Variants in PDE1C observed in about 807,000 individuals in gnomAD.
The protein encoded by PDE1C is phosphodiesterase 1C, also known as dual specificity calcium/calmodulin-dependent 3',5'-cyclic nucleotide phosphodiesterase 1C.
Under a neutral mutation model 93.1 loss-of-function variants are expected in PDE1C, and 62 were observed. The ratio of observed to expected loss-of-function variants is 0.67; its 90% confidence interval spans 0.54 to 0.82. The LOEUF is 0.82. Among genes scored for constraint, PDE1C ranks in the 40% least tolerant of loss-of-function variants. PDE1C has a pLI of 0.00. For synonymous variants in PDE1C, 325 were observed against 310.1 expected (o/e 1.05, Z -0.50); for missense variants, 742 against 884.6 (o/e 0.84, Z 2.04).
chr7:32,410,656 G>A (rs10249890), intron 1 of PDE1C, among the ~76,000 whole-genome samples: 22,323 of 152,040 alleles, frequency 0.15, 3,186 homozygotes, highest in African/African-American at 0.37. Context: ...GCCAATGGGA[G>A]GCACTGGTAG....
intron 1 of PDE1C, among the ~76,000 whole-genome samples, chr7:32,410,768 G>A (rs1785153618): frequency 6.6e-6 from 1 of 151,990 alleles, no homozygotes; most frequent in African/African-American, 2.4e-5. Flanking sequence ...GCCTCTGCTG[G>A]GCACCTCCTT....
chr7:32,334,260 T>C (rs1464503561), intron 1 of PDE1C, among the ~76,000 whole-genome samples: 1 of 152,210 alleles, frequency 6.6e-6, no homozygotes, highest in Non-Finnish European at 1.5e-5. Flanking sequence ...ATTTTTTGGA[T>C]CTTTTTAATT....
At chr7:31,976,060 T>C (rs1193438132) in intron 2 of PDE1C, among the ~76,000 whole-genome samples, 2 of 152,242 alleles carry the variant, frequency 1.3e-5, no homozygotes, top group Admixed American at 1.3e-4. Flanking sequence ...TAAACTCTGC[T>C]TAGAACACTG....
At chr7:31,792,618 G>A (rs1230611743) in intron 16 of PDE1C, among the ~76,000 whole-genome samples, 2 of 152,114 alleles carry the variant, frequency 1.3e-5, no homozygotes, top group Non-Finnish European at 2.9e-5. Context: ...AGGAGCACCT[G>A]CTATCCAGGC....
At chr7:32,275,695 T>A (rs1811237536) in intron 1 of PDE1C, among the ~76,000 whole-genome samples, 1 of 151,668 alleles carries the variant, frequency 6.6e-6, no homozygotes, top group Non-Finnish European at 1.5e-5. Flanking sequence ...AGGTTGCACC[T>A]GCAAACAGGT....
At chr7:31,644,866 G>A in the PDE1C span, among the ~76,000 whole-genome samples, 1 of 152,176 alleles carries the variant, frequency 6.6e-6, no homozygotes, top group Non-Finnish European at 1.5e-5. Flanking sequence ...GGGGTGAAGT[G>A]GAACCACGAT....
chr7:32,058,547 C>G (rs1297305359), intron 1 of PDE1C, among the ~76,000 whole-genome samples: 2 of 152,130 alleles, frequency 1.3e-5, no homozygotes, highest in East Asian at 3.9e-4. Flanking sequence ...AATTGGATAT[C>G]TCTAGAAACT....
intron 2 of PDE1C, among the ~76,000 whole-genome samples, chr7:31,984,114 T>C (rs1348209263): frequency 2.0e-5 from 3 of 151,754 alleles, no homozygotes; most frequent in Non-Finnish European, 4.4e-5. Flanking sequence ...AGATCAGGGG[T>C]CCGCAAACCC....
At chr7:32,117,950 G>A (rs1799076156) in intron 3 of PDE1C, among the ~76,000 whole-genome samples, 1 of 152,186 alleles carries the variant, frequency 6.6e-6, no homozygotes, top group African/African-American at 2.4e-5. Context: ...CTTGAGGGCT[G>A]GTTTCTGTTA....
intron 1 of PDE1C, among the ~76,000 whole-genome samples, chr7:32,233,091 G>A (rs1221429112): frequency 2.6e-5 from 4 of 151,992 alleles, no homozygotes; most frequent in African/African-American, 9.7e-5. Context: ...ACAGTTGCTA[G>A]AATTATATGA....
chr7:31,741,633 G>C, the PDE1C span, among the ~76,000 whole-genome samples: 3 of 152,068 alleles, frequency 2.0e-5, no homozygotes, highest in Non-Finnish European at 4.4e-5. Context: ...CTGGTGACTG[G>C]GTTTTATTCC....
At chr7:31,719,926 G>A in the PDE1C span, among the ~76,000 whole-genome samples, 2 of 151,034 alleles carry the variant, frequency 1.3e-5, no homozygotes, top group African/African-American at 4.9e-5. Context: ...ATGTGGGGAG[G>A]CCGAGGCGGG....
intron 3 of PDE1C, among the ~76,000 whole-genome samples, chr7:32,082,718 C>T (rs1796777536): frequency 6.6e-6 from 1 of 152,204 alleles, no homozygotes; most frequent in Non-Finnish European, 1.5e-5. Flanking sequence ...TCTGCAGCCA[C>T]CGCTACTGAT....
intron 2 of PDE1C, among the ~76,000 whole-genome samples, chr7:32,005,712 C>A (rs1455867150): frequency 4.6e-5 from 7 of 151,942 alleles, no homozygotes; most frequent in Non-Finnish European, 8.8e-5. Context: ...GAACCACACC[C>A]AAATGGCTGG....
intron 2 of PDE1C, among the ~76,000 whole-genome samples, chr7:32,188,824 T>C (rs904197762): frequency 7.2e-5 from 11 of 152,182 alleles, no homozygotes; most frequent in African/African-American, 2.7e-4. Flanking sequence ...AAAGAGCTTG[T>C]TAATTTTCAC....
intron 3 of PDE1C, among the ~76,000 whole-genome samples, chr7:32,085,043 A>T (rs747842172): frequency 1.5e-4 from 20 of 133,688 alleles, no homozygotes; most frequent in Non-Finnish European, 2.7e-4. Flanking sequence ...AAAACCCTTC[A>T]AAAAATTAAT....
At chr7:32,288,701 T>G (rs913177997) in intron 1 of PDE1C, among the ~76,000 whole-genome samples, 1 of 152,218 alleles carries the variant, frequency 6.6e-6, no homozygotes, top group South Asian at 2.1e-4. Flanking sequence ...CTAGATACAG[T>G]GGACCTTTCT....
intron 3 of PDE1C, among the ~76,000 whole-genome samples, chr7:32,147,272 AAAAGAAAGAAAGAAAGAAAGAAAG>A (rs3078683): frequency 7.5e-4 from 73 of 96,692 alleles, no homozygotes; most frequent in African/African-American, 1.7e-3. Context: ...AAGAAAGAAA[AAAAGAAAGAAAGAAAGAAAGAAAG>A]AAAGAAAGAA....
At chr7:32,133,123 G>C (rs56277708) in intron 3 of PDE1C, among the ~76,000 whole-genome samples, 30,841 of 152,092 alleles carry the variant, frequency 0.2, 3,767 homozygotes, top group Middle Eastern at 0.31. Context: ...GCTAGGGTGA[G>C]GGTGCAGGTG....
Sources: allele counts gnomAD v4.1 joint callset (sites outside exome capture counted in the v4.1 genomes callset), GRCh38; gene constraint gnomAD v4.1.1; transcripts MANE v1.5; gene names NCBI Gene and HGNC (gene_info 2026-07-23, HGNC 2026-07-21).